PCSK2: variants seen among roughly 807,000 people sequenced by gnomAD.
PCSK2 encodes the protein neuroendocrine convertase 2.
A neutral mutation model predicts 69.7 loss-of-function variants in PCSK2; 14 were observed. The observed-to-expected ratio is 0.20, with a 90% CI of 0.13 to 0.31. PCSK2 has a LOEUF of 0.31. PCSK2 is among the 10% of genes least tolerant of loss of function. The pLI is 1.00. For missense variants in PCSK2, 544 were observed against 842.5 expected, an observed-to-expected ratio of 0.65 and a Z score of 4.39; for synonymous variants, 307 against 320.7, an observed-to-expected ratio of 0.96 and a Z score of 0.46.
chr20:17,338,119 A>G (rs7509543), intron 2 of PCSK2, among the ~76,000 whole-genome samples: 88,426 of 144,744 alleles, frequency 0.61, 27,922 homozygotes, highest in East Asian at 0.97. Flanking sequence ...CCACACCTGC[A>G]TTCCCTCCAG....
Position 17,413,832 on chromosome 20 carries a change from C to G in PCSK2, c.620+4493C>G, listed in dbSNP as rs1400504162. On this transcript the variant is annotated intron_variant, in intron 6 of 11. Coordinates refer to ENST00000262545, the MANE Select transcript of PCSK2 (RefSeq NM_002594.5). ...AAGAAAAGAAATCACAACAAACTGT[C>G]TCTCAGACCACAGTGCAATCAAATT... Among the ~76,000 whole-genome samples the G allele has an allele frequency of 6.6e-5, 10 of 152,334 alleles. No individual in the cohort carries two copies. In the East Asian group the frequency reaches 1.9e-3, roughly 29 times the overall value.
intron 2 of PCSK2, among the ~76,000 whole-genome samples, chr20:17,303,822 C>T (rs559740645): frequency 3.2e-4 from 48 of 148,394 alleles, no homozygotes; most frequent in African/African-American, 1.2e-3. Flanking sequence ...GGTGATCCAC[C>T]CCCCACCCCG....
intron 2 of PCSK2, among the ~76,000 whole-genome samples, chr20:17,282,493 G>T (rs1988352581): frequency 6.6e-6 from 1 of 152,062 alleles, no homozygotes; most frequent in Non-Finnish European, 1.5e-5. Context: ...TCAAAGACAA[G>T]CTTACTCAAG....
intron 1 of PCSK2, among the ~76,000 whole-genome samples, chr20:17,253,388 G>A (rs191871580): frequency 2.6e-5 from 4 of 152,142 alleles, no homozygotes; most frequent in Admixed American, 1.3e-4. Context: ...TCAGCCCCAG[G>A]CAACCACTAA....
chr20:17,391,906 G>GAGGAAGGAAGGAAGAA (rs1555792738), intron 5 of PCSK2, among the ~76,000 whole-genome samples: 6 of 99,966 alleles, frequency 6.0e-5, no homozygotes, highest in African/African-American at 2.3e-4. Context: ...GAAAGAGAGA[G>GAGGAAGGAAGGAAGAA]AGGAAGGAAG....
intron 2 of PCSK2, among the ~76,000 whole-genome samples, chr20:17,327,560 TCTC>T (rs1990097037): frequency 6.6e-6 from 1 of 151,904 alleles, no homozygotes; most frequent in Admixed American, 6.6e-5. Flanking sequence ...CCCCTTCCCC[TCTC>T]CTCCCTGGGG....
chr20:17,363,701 G>A (rs543549131), intron 4 of PCSK2, among the ~76,000 whole-genome samples: 1 of 152,352 alleles, frequency 6.6e-6, no homozygotes, highest in Middle Eastern at 3.4e-3. Context: ...TGGAAGGCCA[G>A]CGAGCTAAGG....
intron 2 of PCSK2, among the ~76,000 whole-genome samples, chr20:17,278,351 A>G (rs1446596322): frequency 6.6e-6 from 1 of 152,252 alleles, no homozygotes; most frequent in East Asian, 1.9e-4. Flanking sequence ...CTGGATTAAG[A>G]AAATGTGGCA....
At chr20:17,410,643 A>G (rs1401181767) in intron 6 of PCSK2, among the ~76,000 whole-genome samples, 1 of 152,230 alleles carries the variant, frequency 6.6e-6, no homozygotes, top group Non-Finnish European at 1.5e-5. Flanking sequence ...TTAGAGGATG[A>G]GAATGTATAA....
At chr20:17,230,833 A>T (rs1031119208) in intron 1 of PCSK2, among the ~76,000 whole-genome samples, 8 of 152,228 alleles carry the variant, frequency 5.3e-5, no homozygotes, top group Non-Finnish European at 5.9e-5. Context: ...TTTCTCTCTA[A>T]AATGAAATAA....
At chr20:17,317,114 A>G (rs533568673) in intron 2 of PCSK2, among the ~76,000 whole-genome samples, 1 of 152,096 alleles carries the variant, frequency 6.6e-6, no homozygotes, top group Non-Finnish European at 1.5e-5. Context: ...TTCTCTCCCA[A>G]CAGATGCTCC....
chr20:17,247,957 G>A lies in PCSK2; in HGVS notation c.178-12283G>A, dbSNP rs79740739. On this transcript the variant is annotated intron_variant, in intron 1 of 11. Coordinates refer to ENST00000262545, the MANE Select transcript of PCSK2 (RefSeq NM_002594.5). ...AAGGAAGTAAGAGGAAAAGAAAGAA[G>A]ACAATGAGAAGTGTTGCTGAGATCC... Among the ~76,000 whole-genome samples, 1,353 of 152,234 alleles carry A rather than the reference G, an allele frequency of 8.9e-3. 10 individuals are homozygous for A. The highest frequency in any genetic ancestry group is 0.014 in the East Asian group (71 of 5,182).
intron 7 of PCSK2, 91 bp from the exon 8 acceptor site, chr20:17,436,617 A>G (rs978516341): frequency 9.8e-6 from 11 of 1,122,558 alleles, no homozygotes; most frequent in Admixed American, 4.3e-5. Flanking sequence ...CAACCATTCC[A>G]AGTACCCAGG....
intron 2 of PCSK2, among the ~76,000 whole-genome samples, chr20:17,285,977 C>T (rs6136051): frequency 0.086 from 13,118 of 152,174 alleles, 686 homozygotes; most frequent in African/African-American, 0.13. Context: ...TTACCTTTAG[C>T]TTTTTTCAGT....
chr20:17,425,142 G>A (rs944559698), intron 6 of PCSK2, among the ~76,000 whole-genome samples: 1 of 152,148 alleles, frequency 6.6e-6, no homozygotes, highest in Non-Finnish European at 1.5e-5. Context: ...GATAGACTTG[G>A]ATGGTGGCTA....
chr20:17,260,470 G>A (rs1987337046), intron 2 of PCSK2, 126 bp downstream of exon 2: 7 of 667,428 alleles, frequency 1.0e-5, no homozygotes, highest in Admixed American at 2.3e-5. Flanking sequence ...TAGGGCAAAT[G>A]AATGCTTTGC....
At chr20:17,385,432 T>C (rs2031209300) in intron 5 of PCSK2, among the ~76,000 whole-genome samples, 1 of 152,208 alleles carries the variant, frequency 6.6e-6, no homozygotes, top group Admixed American at 6.5e-5. Flanking sequence ...GAAACTCTCC[T>C]CCCTTCCAAT....
intron 2 of PCSK2, among the ~76,000 whole-genome samples, chr20:17,347,221 A>T (rs1990675022): frequency 6.6e-6 from 1 of 152,170 alleles, no homozygotes; most frequent in Non-Finnish European, 1.5e-5. Flanking sequence ...TGGGCTTTCC[A>T]AAAAGTCATA....
intron 2 of PCSK2, among the ~76,000 whole-genome samples, chr20:17,294,228 C>T (rs1600458686): frequency 1.3e-5 from 2 of 151,304 alleles, no homozygotes; most frequent in Middle Eastern, 3.4e-3. Context: ...CCTCAGCCTC[C>T]CGAGTAGCTG....
Sources: allele counts gnomAD v4.1 joint callset (sites outside exome capture counted in the v4.1 genomes callset), GRCh38; gene constraint gnomAD v4.1.1; transcripts MANE v1.5; gene names NCBI Gene and HGNC (gene_info 2026-07-23, HGNC 2026-07-21).